Variants in TLE3 observed in about 807,000 individuals in gnomAD.
TLE3 encodes TLE family member 3, transcriptional corepressor.
TLE3 carries 14 observed loss-of-function variants against 93.0 expected under a neutral mutation model. The ratio of observed to expected loss-of-function variants is 0.15; its 90% CI spans 0.10 to 0.24. The LOEUF is 0.24. Among genes scored for constraint, TLE3 ranks in the 10% least tolerant of loss-of-function variants. The pLI is 1.00. For missense variants in TLE3, 693 were observed against 1,046.6 expected (o/e 0.66, Z 4.66); for synonymous variants, 451 against 425.0 (o/e 1.06, Z -0.75).
Position 70,058,961 on chromosome 15 carries a change from T to A in TLE3, c.766-146A>T. ...TGGGGGCCCCACAGTGAGGAAAAACTAGCTCTTAACCATCTGGTCTGACTG... is the reference window on the plus strand; with the variant it reads ...TGGGGGCCCCACAGTGAGGAAAAACAAGCTCTTAACCATCTGGTCTGACTG... On this transcript the variant is annotated intron_variant, in intron 10 of 19. Coordinates refer to ENST00000451782, the MANE Select transcript of TLE3 (RefSeq NM_001105192.3). The surrounding 1 kb of genome is among the most constrained non-coding windows in gnomAD (Gnocchi z 4.1). 1 of 1,035,420 alleles carries A rather than the reference T, an allele frequency of 9.7e-7. No individual in the cohort carries two copies. The highest frequency in any genetic ancestry group is 1.3e-6 in the Non-Finnish European group (1 of 741,258). 64.1% of individuals were successfully genotyped at this position (1,035,420 alleles called of 1,614,324 possible).
intron 6 of TLE3, among the ~76,000 whole-genome samples, chr15:70,067,424 G>A (rs1416455321): frequency 6.6e-6 from 1 of 152,162 alleles, no homozygotes; most frequent in East Asian, 1.9e-4. Context: ...ATGCTTAGGG[G>A]GCTGGAGTAG....
chr15:70,070,071 C>T (rs2057055026), intron 6 of TLE3, among the ~76,000 whole-genome samples: 1 of 152,264 alleles, frequency 6.6e-6, no homozygotes, highest in African/African-American at 2.4e-5. Context: ...TATGGGAACT[C>T]CTCCATCCAC....
At position 70,052,543 on chromosome 15, in the gene TLE3, C is replaced by T. The variant is rs76484974; in HGVS notation, c.1975-19G>A. On this transcript the variant is annotated intron_variant, in intron 17 of 19. Transcript: ENST00000451782. ...AGAAGATCTGCAGGTGGTGGGAGGG[C>T]AGATGGACTGAGCTCAGCATTCTCT... 6.2e-7 allele frequency: 1 copy of T among 1,609,502 alleles called. No homozygotes were observed. The highest frequency in any genetic ancestry group is 1.1e-5 in the South Asian group (1 of 90,492).
In TLE3 at chr15:70,097,758, A is replaced by G. The variant is rs2058629938; in HGVS notation, c.-960T>C. On this transcript the variant is annotated 5_prime_UTR_variant, in exon 1 of 20. Coordinates refer to ENST00000451782, the MANE Select transcript of TLE3 (RefSeq NM_001105192.3). ...GGCTCTCCTCTCCGCGCCCCGGCAA[A>G]CCCCCAAAACACACACACCCAACAC... The G allele has an allele frequency of 2.5e-6, 1 of 394,058 alleles. No homozygotes were observed. 24.4% of individuals were successfully genotyped at this position (394,058 alleles called of 1,614,324 possible). A position where few individuals can be genotyped will look rare whatever the true frequency, so the allele number is the denominator to read the frequency against.
Position 70,077,330 on chromosome 15 carries a change from C to G in TLE3, c.235-1172G>C, listed in dbSNP as rs532472765. ...TATCTCATTCTGAATCCTGAGCCCGCCAGGACTGAGGTCCCAAAGCTGGCT... is the reference window on the plus strand; with the variant it reads ...TATCTCATTCTGAATCCTGAGCCCGGCAGGACTGAGGTCCCAAAGCTGGCT... On this transcript the variant is annotated intron_variant, in intron 4 of 19. Transcript: ENST00000451782. Among the ~76,000 whole-genome samples, 3 of 152,316 alleles carry G rather than the reference C, an allele frequency of 2.0e-5. No individual in the cohort carries two copies. The East Asian group carries it at 5.8e-4, about 29-fold the overall frequency.
rs569748642 is a variant in TLE3 at position 70,056,224 on chromosome 15, T to C, written c.1328+74A>G. 4.4e-5 allele frequency: 65 copies of C among 1,475,152 alleles called. No homozygotes were observed. In the African/African-American group the frequency reaches 8.0e-4, roughly 18 times the overall value. The allele number at this position is 1,475,152 out of a possible 1,614,324, so 91.4% of individuals were successfully genotyped here. A position where few individuals can be genotyped will look rare whatever the true frequency, so the allele number is the denominator to read the frequency against. On this transcript the variant is annotated intron_variant, in intron 14 of 19. Transcript: ENST00000451782. ...ACCCTTGGTCAGGGGATGAGGGGCG[T>C]TGTTGGAATTGGGGGTAGAGTGCTC...
At chr15:70,088,784 G>A (rs2058155666) in intron 4 of TLE3, among the ~76,000 whole-genome samples, 1 of 152,194 alleles carries the variant, frequency 6.6e-6, no homozygotes, top group Non-Finnish European at 1.5e-5. Flanking sequence ...TATGAGAAAG[G>A]AGACAATGCC....
intron 7 of TLE3, 85 bp downstream of exon 7, chr15:70,065,929 C>G: frequency 7.1e-7 from 1 of 1,412,678 alleles, no homozygotes. Context: ...GACGACAGCA[C>G]TTGCTGGGTC....
At chr15:70,063,234 C>G (rs560000781) in intron 8 of TLE3, among the ~76,000 whole-genome samples, 1 of 152,312 alleles carries the variant, frequency 6.6e-6, no homozygotes, top group Admixed American at 6.5e-5. Flanking sequence ...AAGCTGGGAC[C>G]AGACCTCAGC....
chr15:70,059,344 C>G (rs2056310686), intron 10 of TLE3, 66 bp downstream of exon 10: 2 of 1,542,512 alleles, frequency 1.3e-6, no homozygotes. Flanking sequence ...TAGATCCCAC[C>G]CTGGGGAGGA....
Position 70,060,598 on chromosome 15 carries a change from C to T in TLE3, c.646G>A (p.Gly216Ser), listed in dbSNP as rs1168306984. The change falls in exon 9 of 20, where the codon GGC becomes AGC. Residue 216 changes from glycine (G) to serine (S), a missense_variant. Transcript: ENST00000451782. ...ESLRASEKHR[G>S]SADYSMEAKK... The stretch of plus-strand genomic sequence containing the variant: ...GCTTCCATGCTGTAGTCCGCAGAGC[C>T]CCGGTGCTTCTCACTGGCCCGGAGG... 3.7e-6 allele frequency: 6 copies of T among 1,614,006 alleles called. No homozygotes were observed. The highest frequency in any genetic ancestry group is 4.2e-6 in the Non-Finnish European group (5 of 1,179,886).
intron 7 of TLE3, 41 bp downstream of exon 7, chr15:70,065,973 A>ACCCCCGCCCCCCCCCCC: frequency 3.5e-5 from 28 of 806,222 alleles, no homozygotes; most frequent in Non-Finnish European, 5.4e-5. Flanking sequence ...GCCCATGCCC[A>ACCCCCGCCCCCCCCCCC]CCCCTGCCCC....
chr15:70,080,785 T>C (rs902387726), intron 4 of TLE3, among the ~76,000 whole-genome samples: 4 of 152,178 alleles, frequency 2.6e-5, no homozygotes, highest in African/African-American at 9.7e-5. Flanking sequence ...CAGACTATCC[T>C]TGGCCCTTGA....
intron 1 of TLE3, chr15:70,096,499 C>T: frequency 8.4e-7 from 1 of 1,186,950 alleles, no homozygotes; most frequent in Non-Finnish European, 1.2e-6. Context: ...AAGGCGGGGG[C>T]GGGAGACAAG....
At chr15:70,093,216 C>T (rs1879961852) in intron 4 of TLE3, among the ~76,000 whole-genome samples, 1 of 152,326 alleles carries the variant, frequency 6.6e-6, no homozygotes, top group South Asian at 2.1e-4. Context: ...ACTAATCCCT[C>T]AGGAAGCCAC....
intron 3 of TLE3, 174 bp downstream of exon 3, chr15:70,095,404 C>T (rs2058504445): frequency 1.4e-6 from 2 of 1,477,582 alleles, no homozygotes; most frequent in African/African-American, 1.4e-5. Context: ...CTCCAAGTGG[C>T]CCCGGCAATG....
intron 1 of TLE3, 162 bp from the exon 2 acceptor site, chr15:70,096,423 G>C: frequency 3.1e-6 from 4 of 1,297,858 alleles, no homozygotes; most frequent in Non-Finnish European, 4.1e-6. Context: ...GAGGGGGGGC[G>C]CCCCATCTCT....
At position 70,097,137 on chromosome 15, in the gene TLE3, G is replaced by A; in HGVS notation, c.-339C>T. On this transcript the variant is annotated 5_prime_UTR_variant, in exon 1 of 20. Coordinates refer to ENST00000451782, the MANE Select transcript of TLE3 (RefSeq NM_001105192.3). The stretch of plus-strand genomic sequence containing the variant: ...TGCCTGGGACTGCGCGGACATCGTC[G>A]GCTCCCCAGCAGGTCCGGCGCGGGG... The A allele has an allele frequency of 2.3e-6, 1 of 426,828 alleles. No homozygotes were observed. Among genetic ancestry groups the A allele is most frequent in the Non-Finnish European group, 4.1e-6 (1 of 246,432 alleles). 26.4% of individuals were successfully genotyped at this position (426,828 alleles called of 1,614,324 possible).
At chr15:70,061,760 G>A (rs1188319614) in intron 8 of TLE3, among the ~76,000 whole-genome samples, 1 of 152,202 alleles carries the variant, frequency 6.6e-6, no homozygotes, top group Non-Finnish European at 1.5e-5. Flanking sequence ...GGTGCTGCAG[G>A]CCAGGAGTGG....
Sources: allele counts gnomAD v4.1 joint callset (sites outside exome capture counted in the v4.1 genomes callset), GRCh38; gene constraint gnomAD v4.1.1; non-coding constraint Gnocchi (gnomAD v3.1); transcripts MANE v1.5; gene names NCBI Gene and HGNC (gene_info 2026-07-23, HGNC 2026-07-21).